The following ANKFY1 variants were observed in gnomAD, a reference collection of about 807,000 sequenced individuals.
The protein encoded by ANKFY1 is ankyrin repeat and FYVE domain containing 1.
ANKFY1 carries 47 observed loss-of-function variants against 128.3 expected under a neutral mutation model. The observed-to-expected ratio is 0.37, with a 90% CI of 0.29 to 0.47. ANKFY1 has a LOEUF of 0.47. Among genes scored for constraint, ANKFY1 ranks in the 20% least tolerant of loss-of-function variants. The pLI, the probability that ANKFY1 is intolerant of heterozygous loss-of-function variation, is 1.00. For missense variants in ANKFY1, 1,222 were observed against 1,510.6 expected (o/e 0.81, Z 3.17); for synonymous variants, 553 against 601.6 (o/e 0.92, Z 1.18).
intron 2 of ANKFY1, among the ~76,000 whole-genome samples, chr17:4,237,430 C>A (rs767002949): frequency 2.0e-5 from 3 of 152,158 alleles, no homozygotes; most frequent in Non-Finnish European, 4.4e-5. Context: ...TGTATCAGCA[C>A]AACCTGTGAC....
intron 7 of ANKFY1, among the ~76,000 whole-genome samples, chr17:4,202,981 C>CACATATATATATATATATAT (rs56856304): frequency 6.2e-5 from 9 of 146,302 alleles, no homozygotes; most frequent in African/African-American, 1.7e-4. Context: ...TAATCATACA[C>CACATATATATATATATATAT]ATATATATAT....
chr17:4,223,928 C>A (rs1409867005), intron 3 of ANKFY1: 1 of 594,650 alleles, frequency 1.7e-6, no homozygotes, highest in African/African-American at 1.9e-5. Context: ...TCTTCCAGAA[C>A]ACTGTGCCTC....
intron 10 of ANKFY1, among the ~76,000 whole-genome samples, chr17:4,190,733 G>A (rs75901116): frequency 0.032 from 4,861 of 152,108 alleles, 239 homozygotes; most frequent in African/African-American, 0.11. Context: ...CTAAAACAGT[G>A]TTTCTCAGCT....
chr17:4,222,316 G>A, intron 3 of ANKFY1: 4 of 724,142 alleles, frequency 5.5e-6, no homozygotes, highest in Non-Finnish European at 1.0e-5. Context: ...GATCGGTCTT[G>A]ATGCAGAACT....
chr17:4,183,923 A>C lies in ANKFY1; in HGVS notation c.1700-13T>G, dbSNP rs1259564059. ...TGAAGAGCATTGGCTAAATGTTTGA[A>C]AAAGTAAAAGAACACTTGATGTCAC... On this transcript the variant is annotated splice_polypyrimidine_tract_variant and intron_variant, in intron 12 of 24. Coordinates refer to ENST00000341657, the MANE Select transcript of ANKFY1 (RefSeq NM_001330063.2). 1 of 1,594,864 alleles carries C rather than the reference A, an allele frequency of 6.3e-7. No individual in the cohort carries two copies.
chr17:4,211,402 A>C (rs1047775822), intron 4 of ANKFY1, among the ~76,000 whole-genome samples: 4 of 151,856 alleles, frequency 2.6e-5, no homozygotes, highest in African/African-American at 9.7e-5. Flanking sequence ...TCTCAAAAAA[A>C]AAAAAAAATT....
chr17:4,206,036 C>T (rs1446983927), intron 7 of ANKFY1, among the ~76,000 whole-genome samples: 4 of 152,216 alleles, frequency 2.6e-5, no homozygotes, highest in Admixed American at 2.6e-4. Context: ...AACAAGCAAA[C>T]ATATCAAGTG....
At chr17:4,219,170 T>G (rs191680148) in intron 3 of ANKFY1, among the ~76,000 whole-genome samples, 12 of 152,350 alleles carry the variant, frequency 7.9e-5, no homozygotes, top group African/African-American at 2.6e-4. Flanking sequence ...AAATAAAGAC[T>G]GTACAGCAAC....
chr17:4,253,385 G>C (rs969711338), intron 1 of ANKFY1, among the ~76,000 whole-genome samples: 1 of 152,196 alleles, frequency 6.6e-6, no homozygotes, highest in Non-Finnish European at 1.5e-5. Context: ...GTGGTTATAT[G>C]ACTGTATATA....
intron 4 of ANKFY1, among the ~76,000 whole-genome samples, chr17:4,214,270 A>G (rs1021929649): frequency 7.2e-5 from 11 of 152,216 alleles, no homozygotes; most frequent in Non-Finnish European, 1.5e-5. Context: ...TAAAGCTGGC[A>G]GACATTTCAC....
intron 3 of ANKFY1, chr17:4,223,889 C>T (rs2060372938): frequency 1.4e-6 from 1 of 712,922 alleles, no homozygotes; most frequent in Admixed American, 2.7e-5. Context: ...TGCTTTGTAT[C>T]TAACACCACG....
At chr17:4,239,854 A>T (rs1967112139) in intron 2 of ANKFY1, among the ~76,000 whole-genome samples, 1 of 151,936 alleles carries the variant, frequency 6.6e-6, no homozygotes, top group Non-Finnish European at 1.5e-5. Flanking sequence ...AATTATGTGG[A>T]AATTTTACTA....
chr17:4,256,664 G>A (rs947216395), intron 1 of ANKFY1, among the ~76,000 whole-genome samples: 2 of 152,010 alleles, frequency 1.3e-5, no homozygotes, highest in African/African-American at 4.8e-5. Flanking sequence ...AGAAAACCTG[G>A]TATAACTAGA....
At chr17:4,191,505 G>A (rs2059716958) in intron 10 of ANKFY1, among the ~76,000 whole-genome samples, 2 of 149,578 alleles carry the variant, frequency 1.3e-5, no homozygotes, top group African/African-American at 5.0e-5. Context: ...TTAGTTGATG[G>A]TTGCTCTAAT....
rs1471582689 is a variant in ANKFY1 at position 4,197,577 on chromosome 17, C to T, written c.899G>A (p.Gly300Glu). 1.9e-6 allele frequency: 3 copies of T among 1,613,816 alleles called. No homozygotes were observed. The highest frequency in any genetic ancestry group is 1.7e-5 in the Admixed American group (1 of 59,954). ...GAGGAAAGTGGCAGCAAAGAGATCT[C>T]CTTGAAAAGAAATAATAGAAGAAAC... ...WSLLHKGIQR[G>E]DLFAATFLIK... Residue 300 changes from glycine (G) to glutamate (E), a missense_variant and splice_region_variant, in exon 8 of 25, where the codon GGA becomes GAA. Physicochemically the swap from Gly to Glu is moderately conservative, Grantham distance 98. Transcript: ENST00000341657.
intron 3 of ANKFY1, among the ~76,000 whole-genome samples, chr17:4,228,696 C>T (rs928160091): frequency 6.6e-5 from 10 of 152,146 alleles, no homozygotes; most frequent in East Asian, 1.9e-4. Context: ...GAATTACAGG[C>T]GTGAGCCACC....
intron 3 of ANKFY1, among the ~76,000 whole-genome samples, chr17:4,218,276 ATAT>A (rs1425522451): frequency 6.6e-6 from 1 of 152,228 alleles, no homozygotes; most frequent in Non-Finnish European, 1.5e-5. Flanking sequence ...GCTCAGCACA[ATAT>A]TATTAATGAA....
chr17:4,181,074 C>G lies in ANKFY1; in HGVS notation c.2240+180G>C, dbSNP rs2059506742. ...TCAGGGCTGTGAGCTCCTCCCGTCA[C>G]AAGTGAGCCTGGCTCCTGGCTGACT... is the stretch of plus-strand genomic sequence containing the variant. On this transcript the variant is annotated intron_variant, in intron 16 of 24. Transcript: ENST00000341657. This position sits in a 1 kb window ranked among gnomAD's most constrained non-coding sequence, Gnocchi z 4.9. 1 of 573,752 alleles carries G rather than the reference C, an allele frequency of 1.7e-6. No homozygotes were observed. The highest frequency in any genetic ancestry group is 3.1e-6 in the Non-Finnish European group (1 of 318,940). 35.5% of individuals were successfully genotyped at this position (573,752 alleles called of 1,614,324 possible). A position where few individuals can be genotyped will look rare whatever the true frequency, so the allele number is the denominator to read the frequency against.
At chr17:4,199,106 G>A (rs1399375575) in intron 7 of ANKFY1, among the ~76,000 whole-genome samples, 2 of 152,224 alleles carry the variant, frequency 1.3e-5, no homozygotes, top group African/African-American at 4.8e-5. Flanking sequence ...ACTGCAGTGG[G>A]CTATGACTGT....
Sources: allele counts gnomAD v4.1 joint callset (sites outside exome capture counted in the v4.1 genomes callset), GRCh38; gene constraint gnomAD v4.1.1; non-coding constraint Gnocchi (gnomAD v3.1); transcripts MANE v1.5; gene names NCBI Gene and HGNC (gene_info 2026-07-23, HGNC 2026-07-21).